LMTK2: variants seen among roughly 807,000 people sequenced by gnomAD.
The protein encoded by LMTK2 is serine/threonine-protein kinase LMTK2.
LMTK2 carries 37 observed loss-of-function variants against 127.5 expected under a neutral mutation model. That is an observed-to-expected ratio of 0.29 (90% confidence interval 0.22 to 0.38). LMTK2 has a LOEUF of 0.38. Ranked by LOEUF, LMTK2 falls within the 10% of genes least tolerant of loss-of-function variation. The probability of loss-of-function intolerance (pLI) is 1.00; values close to 1 mark genes in which losing one functional copy is unlikely to be tolerated. For missense variants in LMTK2, 1,694 were observed against 1,920.3 expected, an observed-to-expected ratio of 0.88 and a Z score of 2.20; for synonymous variants, 819 against 810.1, an observed-to-expected ratio of 1.01 and a Z score of -0.19.
chr7:98,179,538 C>T (rs1290842338), intron 7 of LMTK2, among the ~76,000 whole-genome samples: 1 of 152,048 alleles, frequency 6.6e-6, no homozygotes, highest in African/African-American at 2.4e-5. Flanking sequence ...TTACTTAAAG[C>T]ATTTTCACTT....
At chr7:98,174,154 G>C (rs1797241895) in intron 7 of LMTK2, among the ~76,000 whole-genome samples, 1 of 148,946 alleles carries the variant, frequency 6.7e-6, no homozygotes, top group Non-Finnish European at 1.5e-5. Context: ...TTAAATTTCT[G>C]TTTGGGGCAA....
intron 7 of LMTK2, among the ~76,000 whole-genome samples, chr7:98,178,443 A>G (rs948791832): frequency 1.3e-5 from 2 of 152,140 alleles, no homozygotes; most frequent in Admixed American, 1.3e-4. Context: ...CGCTCTGCTC[A>G]TGCGGCCCTG....
chr7:98,153,588 T>C (rs1796887326), intron 4 of LMTK2, among the ~76,000 whole-genome samples: 1 of 152,160 alleles, frequency 6.6e-6, no homozygotes, highest in South Asian at 2.1e-4. Flanking sequence ...CAAGGAGCAA[T>C]AGGCTGGACG....
intron 11 of LMTK2, among the ~76,000 whole-genome samples, chr7:98,195,977 G>T (rs918584018): frequency 6.6e-6 from 1 of 152,092 alleles, no homozygotes; most frequent in Non-Finnish European, 1.5e-5. Context: ...ATCACCTGAC[G>T]TCGGGAATTC....
At chr7:98,111,666 CATT>C (rs1360733597) in intron 1 of LMTK2, among the ~76,000 whole-genome samples, 1 of 152,156 alleles carries the variant, frequency 6.6e-6, no homozygotes, top group Non-Finnish European at 1.5e-5. Context: ...TAGATTGCTT[CATT>C]GTTTCAGATT....
chr7:98,141,672 G>A, intron 3 of LMTK2, 131 bp downstream of exon 3: 2 of 889,094 alleles, frequency 2.2e-6, no homozygotes, highest in Admixed American at 2.2e-5. Flanking sequence ...TGCTCCCAGT[G>A]AAGCTGAATT....
At chr7:98,209,636 CTG>C (rs925763436) in exon 14 of LMTK2, 2 of 152,146 alleles carry the variant, frequency 1.3e-5, no homozygotes, top group South Asian at 2.1e-4. Flanking sequence ...TTTATAAACT[CTG>C]TTGGCCGCGT....
At chr7:98,126,571 C>CGG (rs1380333164) in intron 1 of LMTK2, 1 of 152,294 alleles carries the variant, frequency 6.6e-6, no homozygotes, top group Non-Finnish European at 1.5e-5. Flanking sequence ...GCCCAGTCAT[C>CGG]TGGCAGAAGT....
chr7:98,207,900 G>A lies in LMTK2; in HGVS notation c.*2408G>A, dbSNP rs1162519130. On this transcript the variant is annotated 3_prime_UTR_variant, in exon 14 of 14. Transcript: ENST00000297293. ...GCCCAGGAGTTCAAGACCAGCCTGG[G>A]CAACATGGCGAAACCTCGTCTCTAC... is the stretch of plus-strand genomic sequence containing the variant. 6.6e-6 allele frequency: 1 copy of A among 151,346 alleles called. No individual in the cohort carries two copies. The highest frequency in any genetic ancestry group is 1.5e-5 in the Non-Finnish European group (1 of 67,984). 9.4% of individuals were successfully genotyped at this position (151,346 alleles called of 1,614,324 possible).
At chr7:98,134,397 A>T (rs1796568857) in intron 1 of LMTK2, among the ~76,000 whole-genome samples, 1 of 152,324 alleles carries the variant, frequency 6.6e-6, no homozygotes, top group Admixed American at 6.5e-5. Flanking sequence ...ATTCTCCCTT[A>T]CAATCCAAAT....
At chr7:98,111,654 A>G (rs1346075593) in intron 1 of LMTK2, among the ~76,000 whole-genome samples, 1 of 152,226 alleles carries the variant, frequency 6.6e-6, no homozygotes, top group Non-Finnish European at 1.5e-5. Flanking sequence ...ACCCTCTCAC[A>G]CTAGATTGCT....
intron 1 of LMTK2, among the ~76,000 whole-genome samples, chr7:98,116,458 G>A (rs1004262347): frequency 4.6e-5 from 7 of 152,162 alleles, no homozygotes; most frequent in Middle Eastern, 6.8e-3. Context: ...GCGTGTGTGT[G>A]TGTGAAGGAG....
chr7:98,116,520 G>T (rs1275973420), intron 1 of LMTK2, among the ~76,000 whole-genome samples: 4 of 151,986 alleles, frequency 2.6e-5, no homozygotes, highest in Non-Finnish European at 5.9e-5. Flanking sequence ...TTCCCATGCA[G>T]CCACAGACCT....
In LMTK2 at chr7:98,154,778, C is replaced by T; in HGVS notation, c.471C>T (p.Tyr157=). 6.2e-7 allele frequency: 1 copy of T among 1,611,672 alleles called. No individual in the cohort carries two copies. The highest frequency in any genetic ancestry group is 2.2e-5 in the East Asian group (1 of 44,856). ...TTTAGGTTCTCTTGGGAGAGATTTACACGGGCACTAGCGTAGCAAGAGTCA... is the reference window on the plus strand; with the variant it reads ...TTTAGGTTCTCTTGGGAGAGATTTATACGGGCACTAGCGTAGCAAGAGTCA... ...WFGKVLLGEI[Y]TGTSVARVIV... is the part of the protein sequence containing the mutation. The change falls in exon 5 of 14, where the codon TAC becomes TAT. Residue 157 remains tyrosine (Y), a synonymous_variant. Coordinates refer to ENST00000297293, the MANE Select transcript of LMTK2 (RefSeq NM_014916.4).
intron 11 of LMTK2, among the ~76,000 whole-genome samples, chr7:98,195,207 G>T (rs1283228628): frequency 6.6e-6 from 1 of 152,148 alleles, no homozygotes; most frequent in East Asian, 1.9e-4. Context: ...CCTGACAATT[G>T]GCAGTAGGAC....
rs1797585614 is a variant in LMTK2, at chr7:98,194,089, A to C, written c.3624A>C (p.Glu1208Asp). 2 of 1,613,998 alleles carry C rather than the reference A, an allele frequency of 1.2e-6. No homozygotes were observed. Among genetic ancestry groups the C allele is most frequent in the Non-Finnish European group, 1.7e-6 (2 of 1,180,032 alleles). Residue 1208 changes from glutamate to aspartate, a missense_variant, in exon 11 of 14, where the codon GAA (glutamate) becomes GAC (aspartate). Physicochemically the swap from Glu to Asp is conservative, Grantham distance 45. Transcript: ENST00000297293. This position sits in a 1 kb window ranked among gnomAD's most constrained non-coding sequence, Gnocchi z 5.4. The stretch of plus-strand genomic sequence containing the variant: ...GTCCCTGGAGTGTGCTGAATGCAGA[A>C]CTTAGCAGCGGCGATGACTTCGAGA... ...ASSPWSVLNA[E>D]LSSGDDFETQ... is the part of the protein sequence containing the mutation.
At chr7:98,119,578 G>A (rs1023901896) in intron 1 of LMTK2, among the ~76,000 whole-genome samples, 1 of 152,012 alleles carries the variant, frequency 6.6e-6, no homozygotes, top group African/African-American at 2.4e-5. Context: ...TACATTTTAC[G>A]AATATCATGT....
At chr7:98,118,375 T>TG (rs1382093853) in intron 1 of LMTK2, among the ~76,000 whole-genome samples, 8 of 152,190 alleles carry the variant, frequency 5.3e-5, no homozygotes, top group Admixed American at 1.3e-4. Flanking sequence ...AGGATTATTT[T>TG]GGGGGGTCTT....
At chr7:98,139,921 A>G (rs1052576903) in intron 2 of LMTK2, among the ~76,000 whole-genome samples, 1 of 152,200 alleles carries the variant, frequency 6.6e-6, no homozygotes, top group African/African-American at 2.4e-5. Flanking sequence ...GGGCTAATAC[A>G]TGTTAATTAT....
Sources: allele counts gnomAD v4.1 joint callset (sites outside exome capture counted in the v4.1 genomes callset), GRCh38; gene constraint gnomAD v4.1.1; non-coding constraint Gnocchi (gnomAD v3.1); transcripts MANE v1.5; gene names NCBI Gene and HGNC (gene_info 2026-07-23, HGNC 2026-07-21).